The following FAM151B variants were observed in gnomAD, a reference collection of about 807,000 sequenced individuals.
FAM151B encodes the protein protein FAM151B.
Under a neutral mutation model 31.2 loss-of-function variants are expected in FAM151B, and 24 were observed. The ratio of observed to expected loss-of-function variants is 0.77; its 90% CI spans 0.56 to 1.08. The LOEUF is 1.08. FAM151B is among the 50% of genes least tolerant of loss of function. The pLI is 0.00. For synonymous variants in FAM151B, 105 were observed against 111.4 expected (o/e 0.94, Z 0.36); for missense variants, 293 against 328.6 (o/e 0.89, Z 0.84).
At chr5:80,517,049 A>G (rs772999670) in intron 3 of FAM151B, among the ~76,000 whole-genome samples, 2 of 152,174 alleles carry the variant, frequency 1.3e-5, no homozygotes, top group Non-Finnish European at 2.9e-5. Context: ...CACACCATAT[A>G]TGCTGCCCAC....
chr5:80,499,567 A>G (rs1459293131), intron 1 of FAM151B, among the ~76,000 whole-genome samples: 2 of 152,100 alleles, frequency 1.3e-5, no homozygotes, highest in African/African-American at 2.4e-5. Context: ...TTGGCTTTAC[A>G]TCAGTTTTCC....
chr5:80,506,964 CAAA>C (rs1382012277), intron 2 of FAM151B, among the ~76,000 whole-genome samples: 2 of 151,848 alleles, frequency 1.3e-5, no homozygotes, highest in Non-Finnish European at 2.9e-5. Flanking sequence ...ACTAAAAATA[CAAA>C]AATTAGCTGT....
intron 2 of FAM151B, chr5:80,506,077 G>A (rs777820289): frequency 1.0e-6 from 1 of 985,668 alleles, no homozygotes; most frequent in South Asian, 4.7e-5. Flanking sequence ...TTTTATTAAG[G>A]TATCCATTTC....
chr5:80,492,921 A>G (rs1743379696), intron 1 of FAM151B, among the ~76,000 whole-genome samples: 1 of 152,164 alleles, frequency 6.6e-6, no homozygotes, highest in South Asian at 2.1e-4. Context: ...ACCACTACAC[A>G]CCAGCCTGGG....
chr5:80,494,477 TTTCTTTCTTTC>T (rs1743450183), intron 1 of FAM151B, among the ~76,000 whole-genome samples: 3 of 129,102 alleles, frequency 2.3e-5, no homozygotes, highest in Non-Finnish European at 5.0e-5. Flanking sequence ...TCTTTCTTTC[TTTCTTTCTTTC>T]TTTCTTTCTT....
intron 5 of FAM151B, among the ~76,000 whole-genome samples, chr5:80,523,255 G>C (rs1352280668): frequency 6.6e-6 from 1 of 152,138 alleles, no homozygotes; most frequent in Non-Finnish European, 1.5e-5. Flanking sequence ...AAAGCAACTA[G>C]TAAAAAGACC....
chr5:80,531,299 G>A (rs1745233325), intron 5 of FAM151B, among the ~76,000 whole-genome samples: 1 of 152,126 alleles, frequency 6.6e-6, no homozygotes, highest in African/African-American at 2.4e-5. Context: ...AGAAAACCTA[G>A]GCAATACCAT....
chr5:80,500,283 C>T (rs1743696441), intron 1 of FAM151B: 1 of 696,026 alleles, frequency 1.4e-6, no homozygotes, highest in South Asian at 1.5e-5. Flanking sequence ...TTAGAGCATA[C>T]AGAACAGATA....
chr5:80,538,781 T>C (rs1006870361), intron 5 of FAM151B, among the ~76,000 whole-genome samples: 1 of 151,672 alleles, frequency 6.6e-6, no homozygotes, highest in Admixed American at 6.6e-5. Flanking sequence ...TTATCTTTAG[T>C]GGAGACGGGG....
intron 5 of FAM151B, among the ~76,000 whole-genome samples, chr5:80,538,448 C>CTTTCTCTTTCTTTCTTTCTT: frequency 2.0e-5 from 1 of 49,360 alleles, no homozygotes; most frequent in East Asian, 6.3e-4. Context: ...TTCTTTCTTT[C>CTTTCTCTTTCTTTCTTTCTT]TCTTTCTTTC....
intron 1 of FAM151B, among the ~76,000 whole-genome samples, chr5:80,498,310 T>TC (rs1221411663): frequency 6.6e-6 from 1 of 152,168 alleles, no homozygotes; most frequent in Non-Finnish European, 1.5e-5. Flanking sequence ...TAGTGGATCC[T>TC]CCACCTAACT....
chr5:80,506,284 G>A (rs1743960817), intron 2 of FAM151B, among the ~76,000 whole-genome samples: 1 of 152,166 alleles, frequency 6.6e-6, no homozygotes, highest in Non-Finnish European at 1.5e-5. Context: ...ATTGAAGTAT[G>A]TGAACATGAA....
At chr5:80,528,293 G>A (rs539459934) in intron 5 of FAM151B, among the ~76,000 whole-genome samples, 47 of 151,862 alleles carry the variant, frequency 3.1e-4, no homozygotes, top group African/African-American at 1.1e-3. Context: ...AAGGAAGGGG[G>A]AAAAAAAGAA....
At chr5:80,497,242 A>G (rs1203866607) in intron 1 of FAM151B, among the ~76,000 whole-genome samples, 3 of 152,188 alleles carry the variant, frequency 2.0e-5, no homozygotes, top group East Asian at 3.9e-4. Context: ...CCTGGCCAAC[A>G]TGGTGAAACA....
intron 2 of FAM151B, among the ~76,000 whole-genome samples, chr5:80,502,677 G>A (rs1235253478): frequency 1.3e-5 from 2 of 152,146 alleles, no homozygotes; most frequent in South Asian, 2.1e-4. Flanking sequence ...CTACAGGGCC[G>A]GGGCAGAGCT....
At chr5:80,512,425 A>G (rs1323467001) in intron 2 of FAM151B, among the ~76,000 whole-genome samples, 1 of 152,222 alleles carries the variant, frequency 6.6e-6, no homozygotes, top group African/African-American at 2.4e-5. Context: ...TTTATTGTGT[A>G]AAGTGGCCTC....
intron 3 of FAM151B, among the ~76,000 whole-genome samples, chr5:80,514,303 C>T (rs1744317576): frequency 6.6e-6 from 1 of 151,746 alleles, no homozygotes; most frequent in African/African-American, 2.4e-5. Context: ...GGCGAAACGC[C>T]ACCTCTACTA....
At chr5:80,501,952 A>G (rs747844083) in intron 2 of FAM151B, 35 bp downstream of exon 2, 81 of 1,489,400 alleles carry the variant, frequency 5.4e-5, no homozygotes, top group Non-Finnish European at 7.2e-5. Context: ...TTTACTTTGG[A>G]TAATAGATTA....
intron 5 of FAM151B, among the ~76,000 whole-genome samples, chr5:80,529,337 C>A (rs912857285): frequency 1.3e-5 from 2 of 152,080 alleles, no homozygotes; most frequent in African/African-American, 2.4e-5. Context: ...ACTAGAGAAG[C>A]AAGAGCAAAC....
Sources: gnomAD v4.1 joint callset for allele counts (sites outside exome capture counted in the v4.1 genomes callset) on GRCh38, gnomAD v4.1.1 for gene constraint, MANE v1.5 for transcripts, NCBI Gene and HGNC (gene_info 2026-07-23, HGNC 2026-07-21) for gene names.